HNRNPK: variants seen among roughly 807,000 people sequenced by gnomAD.
HNRNPK encodes heterogeneous nuclear ribonucleoprotein K.
A neutral mutation model predicts 67.0 loss-of-function variants in HNRNPK; 7 were observed. The observed-to-expected ratio is 0.10, with a 90% CI of 0.06 to 0.20. HNRNPK has a LOEUF of 0.20. Ranked by LOEUF, HNRNPK falls within the 10% of genes least tolerant of loss-of-function variation. The probability of loss-of-function intolerance (pLI) is 1.00; values close to 1 mark genes in which losing one functional copy is unlikely to be tolerated. For missense variants in HNRNPK, 264 were observed against 606.5 expected (o/e 0.44, Z 5.93); for synonymous variants, 213 against 193.7 (o/e 1.10, Z -0.83).
chr9:83,972,345 A>G (rs1481554688), intron 10 of HNRNPK, 156 bp from the exon 11 acceptor site: 3 of 605,996 alleles, frequency 5.0e-6, no homozygotes, highest in Non-Finnish European at 5.7e-6. Context: ...TAAAAGTAGC[A>G]AAGTAAAGAT....
intron 4 of HNRNPK, 24 bp from the exon 5 acceptor site, chr9:83,977,075 A>T (rs750674155): frequency 1.9e-5 from 30 of 1,584,128 alleles, no homozygotes; most frequent in Non-Finnish European, 2.5e-5. Flanking sequence ...AAAGACAAAA[A>T]ATTATTTTGC....
chr9:83,974,617 T>C (rs1956994222), intron 6 of HNRNPK, 28 bp from the exon 7 acceptor site: 2 of 1,532,502 alleles, frequency 1.3e-6, no homozygotes, highest in East Asian at 2.3e-5. Context: ...TACCAGATAG[T>C]ACAAAAAAGG....
intron 10 of HNRNPK, 107 bp downstream of exon 10, chr9:83,972,736 GA>G: frequency 1.3e-6 from 1 of 763,592 alleles, no homozygotes; most frequent in Non-Finnish European, 2.0e-6. Flanking sequence ...AATTGCTAGG[GA>G]AAGGGCAAAT....
rs528661570 is a variant in HNRNPK at position 83,970,149 on chromosome 9, A to C, written c.1361+13T>G. 1 of 1,600,790 alleles carries C rather than the reference A, an allele frequency of 6.2e-7. No individual in the cohort carries two copies. Among genetic ancestry groups the C allele is most frequent in the Non-Finnish European group, 8.5e-7 (1 of 1,173,340 alleles). ...GTATGTATAAGCTAACACAAAGCTA[A>C]ACTTAAACTGACCTGTTCTGCAGCA... is the stretch of plus-strand genomic sequence containing the variant. On this transcript the variant is annotated intron_variant, in intron 16 of 16. Transcript: ENST00000376263.
At chr9:83,974,102 C>T in intron 7 of HNRNPK, 129 bp from the exon 8 acceptor site, 1 of 597,410 alleles carries the variant, frequency 1.7e-6, no homozygotes, top group Non-Finnish European at 3.0e-6. Flanking sequence ...CTGCTTTATT[C>T]AACATTAAGA....
chr9:83,974,523 C>T lies in HNRNPK; in HGVS notation c.324G>A (p.Leu108=), dbSNP rs1956990839. 3 of 1,545,700 alleles carry T rather than the reference C, an allele frequency of 1.9e-6. No homozygotes were observed. Among genetic ancestry groups the T allele is most frequent in the Non-Finnish European group, 2.7e-6 (3 of 1,124,056 alleles). The change falls in exon 7 of 17, where the codon TTG becomes TTA. Residue 108 remains leucine (L), a synonymous_variant. Transcript: ENST00000376263. ...TAAAAAAAAATGAGCCTACCTCTTC[C>T]AAGGTAGGGATGATTTTCTTCAGAA... ...GEILKKIIPT[L]EEGLQLPSPT...
At chr9:83,976,297 G>A (rs892316854) in intron 5 of HNRNPK, among the ~76,000 whole-genome samples, 4 of 152,070 alleles carry the variant, frequency 2.6e-5, no homozygotes, top group African/African-American at 9.7e-5. Flanking sequence ...TTTTTAGCAA[G>A]AAAAACATTA....
chr9:83,972,260 A>G (rs1956881008), intron 10 of HNRNPK, 71 bp from the exon 11 acceptor site: 1 of 1,131,996 alleles, frequency 8.8e-7, no homozygotes, highest in Non-Finnish European at 1.3e-6. Flanking sequence ...TCCTTCTAAC[A>G]TCATCATCAA....
At chr9:83,973,816 G>T in intron 8 of HNRNPK, 86 bp downstream of exon 8, 1 of 1,006,062 alleles carries the variant, frequency 9.9e-7, no homozygotes, top group Admixed American at 2.0e-5. Flanking sequence ...CTATAGAGAT[G>T]GGAAAAGCAC....
intron 13 of HNRNPK, 146 bp from the exon 14 acceptor site, chr9:83,971,058 C>G: frequency 1.2e-6 from 1 of 812,314 alleles, no homozygotes; most frequent in Non-Finnish European, 2.0e-6. Flanking sequence ...CCTCCTGCCT[C>G]AGACTCTTTT....
rs1463826815 is a variant in HNRNPK, at chr9:83,973,044, G to GC, written c.517-73dup. ...AGCTTTCCTAGGTTCAGTGAAAATT[G>GC]CATTTGAATTCAACAATTAACCCCC... On this transcript the variant is annotated intron_variant, in intron 9 of 16. Coordinates refer to ENST00000376263, the MANE Select transcript of HNRNPK (RefSeq NM_031263.4). 5.3e-6 allele frequency: 6 copies of GC among 1,132,278 alleles called. No homozygotes were observed. The African/African-American group carries it at 9.6e-5, about 18-fold the overall frequency. 70.1% of individuals were successfully genotyped at this position (1,132,278 alleles called of 1,614,324 possible). A position where few individuals can be genotyped will look rare whatever the true frequency, so the allele number is the denominator to read the frequency against.
At chr9:83,971,533 A>G in intron 12 of HNRNPK, 139 bp downstream of exon 12, 1 of 830,494 alleles carries the variant, frequency 1.2e-6, no homozygotes, top group Non-Finnish European at 2.0e-6. Context: ...AGCAAATAAC[A>G]GAATTATTTA....
In HNRNPK at chr9:83,976,998, T is replaced by C; in HGVS notation, c.210A>G (p.Thr70=). The C allele has an allele frequency of 6.2e-7, 1 of 1,600,784 alleles. No individual in the cohort carries two copies. Among genetic ancestry groups the C allele is most frequent in the South Asian group, 1.1e-5 (1 of 90,778 alleles). ...KGGKNIKALR[T]DYNASVSVPD... ...AGTTTAAACTCTTAATACTTACGTC[T>C]GTACGGAGAGCCTTAATATTCTTGC... The change falls in exon 5 of 17, where the codon ACA becomes ACG. Residue 70 remains threonine, a synonymous_variant. Coordinates refer to ENST00000376263, the MANE Select transcript of HNRNPK (RefSeq NM_031263.4).
chr9:83,978,049 G>C, intron 3 of HNRNPK, 146 bp downstream of exon 3: 1 of 624,824 alleles, frequency 1.6e-6, no homozygotes, highest in Non-Finnish European at 2.8e-6. Context: ...ATAAATAAAA[G>C]CTAAGATGTA....
At chr9:83,975,327 G>T in intron 6 of HNRNPK, 135 bp downstream of exon 6, 1 of 808,866 alleles carries the variant, frequency 1.2e-6, no homozygotes. Context: ...AAGACTTAAT[G>T]GGGAAAATAA....
intron 7 of HNRNPK, 91 bp downstream of exon 7, chr9:83,974,426 C>T: frequency 1.6e-6 from 1 of 610,544 alleles, no homozygotes. Flanking sequence ...TATCCATTGT[C>T]TCTCCACCTC....
chr9:83,969,890 A>C (rs148506401), intron 16 of HNRNPK: 16 of 610,670 alleles, frequency 2.6e-5, no homozygotes, highest in Non-Finnish European at 5.1e-5. Flanking sequence ...GGCTCTGTAC[A>C]ATTTTTAACA....
rs772519430 is a variant in HNRNPK, at chr9:83,970,789, T to C, written c.1139A>G (p.Tyr380Cys). Residue 380 changes from tyrosine to cysteine, a missense_variant, in exon 15 of 17, where the codon TAT (tyrosine) becomes TGT (cysteine). Physicochemically the swap from Tyr to Cys is radical, Grantham distance 194. Coordinates refer to ENST00000376263, the MANE Select transcript of HNRNPK (RefSeq NM_031263.4). The part of the protein sequence containing the change: ...DYSYAGGRGS[Y>C]GDLGGPIITT... ...AATAATAGGTCCACCAAGATCACCA[T>C]ATGAGCCACGACCCCCTGCATAGGA... 3 of 1,611,192 alleles carry C rather than the reference T, an allele frequency of 1.9e-6. No individual in the cohort carries two copies. Among genetic ancestry groups the C allele is most frequent in the South Asian group, 1.1e-5 (1 of 90,992 alleles).
At chr9:83,977,649 G>C in intron 4 of HNRNPK, 40 bp downstream of exon 4, 1 of 1,221,404 alleles carries the variant, frequency 8.2e-7, no homozygotes, top group Non-Finnish European at 1.2e-6. Context: ...TTCTACCTGA[G>C]TATGAACCAC....
Sources: gnomAD v4.1 joint callset for allele counts (sites outside exome capture counted in the v4.1 genomes callset) on GRCh38, gnomAD v4.1.1 for gene constraint, MANE v1.5 for transcripts, NCBI Gene and HGNC (gene_info 2026-07-23, HGNC 2026-07-21) for gene names.